Variants in TMEM108 observed in about 807,000 individuals in gnomAD.
TMEM108 encodes the protein cancer/testis antigen 124.
In TMEM108, 12 loss-of-function variants were observed where a neutral mutation model predicts 35.1. That is an observed-to-expected ratio of 0.34 (90% confidence interval 0.22 to 0.55). TMEM108 has a LOEUF of 0.55. TMEM108 is among the 20% of genes least tolerant of loss of function. The pLI, the probability that TMEM108 is intolerant of heterozygous loss-of-function variation, is 0.89. For missense variants in TMEM108, 680 were observed against 753.3 expected, an observed-to-expected ratio of 0.90 and a Z score of 1.14; for synonymous variants, 287 against 308.6, an observed-to-expected ratio of 0.93 and a Z score of 0.73.
At chr3:133,172,862 GT>G (rs1251925303) in intron 2 of TMEM108, among the ~76,000 whole-genome samples, 3 of 152,160 alleles carry the variant, frequency 2.0e-5, no homozygotes, top group Non-Finnish European at 4.4e-5. Context: ...TGCTGTTCTT[GT>G]GATAGTAAAT....
chr3:133,330,606 T>C (rs188305645), intron 3 of TMEM108, among the ~76,000 whole-genome samples: 105 of 152,292 alleles, frequency 6.9e-4, no homozygotes, highest in African/African-American at 2.5e-3. Flanking sequence ...TTGGTGGTGG[T>C]GGTAATAGTG....
Position 133,380,047 on chromosome 3 carries a change from C to T in TMEM108, c.336C>T (p.Ser112=). The change falls in exon 4 of 6, where the codon TCC becomes TCT. Residue 112 remains serine, a synonymous_variant. Coordinates refer to ENST00000321871, the MANE Select transcript of TMEM108 (RefSeq NM_023943.4). This position sits in a 1 kb window ranked among gnomAD's most constrained non-coding sequence, Gnocchi z 5.3. ...ATVTAPHSES[S]LSTGPAPAAM... ...TAACCGCCCCCCATTCTGAAAGCTC[C>T]CTGTCCACAGGGCCCGCTCCAGCAG... 1.2e-6 allele frequency: 2 copies of T among 1,613,968 alleles called. No individual in the cohort carries two copies. The highest frequency in any genetic ancestry group is 1.7e-6 in the Non-Finnish European group (2 of 1,179,970).
intron 2 of TMEM108, among the ~76,000 whole-genome samples, chr3:133,131,755 C>T (rs73007483): frequency 0.016 from 2,366 of 151,722 alleles, 53 homozygotes; most frequent in African/African-American, 0.054. Context: ...CTTGCATCAG[C>T]GAGACAAGTT....
At chr3:133,207,007 G>A (rs1237179554) in intron 2 of TMEM108, among the ~76,000 whole-genome samples, 1 of 152,194 alleles carries the variant, frequency 6.6e-6, no homozygotes, top group East Asian at 1.9e-4. Flanking sequence ...TGCCTAGAGA[G>A]GAGGAATCTA....
chr3:133,239,178 CA>C lies in TMEM108; in HGVS notation c.40+9830del, dbSNP rs554332350. On this transcript the variant is annotated intron_variant, in intron 3 of 5. Transcript: ENST00000321871. ...TACAAATTCATCATTCCTGAGCTAT[CA>C]AAGACTCATTGCTCTTGAGGAAATA... 2.6e-5 allele frequency among the ~76,000 whole-genome samples: 4 copies of C among 152,266 alleles called. No individual in the cohort carries two copies. In the South Asian group the frequency reaches 8.3e-4, roughly 32 times the overall value.
chr3:133,315,475 C>A (rs921432913), intron 3 of TMEM108, among the ~76,000 whole-genome samples: 11 of 152,176 alleles, frequency 7.2e-5, no homozygotes, highest in Admixed American at 2.0e-4. Context: ...AAATGCTTGG[C>A]CCCTCACCCC....
At chr3:133,123,997 AG>A (rs1369263633) in intron 2 of TMEM108, among the ~76,000 whole-genome samples, 2 of 152,202 alleles carry the variant, frequency 1.3e-5, no homozygotes, top group East Asian at 3.8e-4. Context: ...CTGTTCTGAA[AG>A]GGCACCAGGC....
chr3:133,224,240 G>A (rs1461201296), intron 2 of TMEM108, among the ~76,000 whole-genome samples: 1 of 152,056 alleles, frequency 6.6e-6, no homozygotes, highest in Non-Finnish European at 1.5e-5. Context: ...AACCATTGCT[G>A]TGGCTCCTAA....
At chr3:133,250,033 TC>T (rs1946445670) in intron 3 of TMEM108, among the ~76,000 whole-genome samples, 2 of 152,186 alleles carry the variant, frequency 1.3e-5, no homozygotes. Context: ...CAACTTGGCC[TC>T]CAGAGTAGTT....
At chr3:133,143,821 C>G (rs1402468926) in intron 2 of TMEM108, among the ~76,000 whole-genome samples, 1 of 152,114 alleles carries the variant, frequency 6.6e-6, no homozygotes. Flanking sequence ...AGCACATGCC[C>G]TTCTCTGCCT....
intron 2 of TMEM108, among the ~76,000 whole-genome samples, chr3:133,069,562 CT>C (rs1461781924): frequency 2.0e-5 from 3 of 152,092 alleles, no homozygotes; most frequent in Non-Finnish European, 4.4e-5. Flanking sequence ...AGTACAAGTC[CT>C]TTTATTTAAA....
At position 133,309,198 on chromosome 3, in the gene TMEM108, G is replaced by A. The variant is rs1456359046; in HGVS notation, c.41-70554G>A. ...TGGTAGTTTGTATTTCTGTGGGATCGGTGGTGATATCCCCTTTGTCATTTT... is the reference window on the plus strand; with the variant it reads ...TGGTAGTTTGTATTTCTGTGGGATCAGTGGTGATATCCCCTTTGTCATTTT... On this transcript the variant is annotated intron_variant, in intron 3 of 5. Transcript: ENST00000321871. Among the ~76,000 whole-genome samples the A allele has an allele frequency of 1.6e-4, 24 of 152,134 alleles. No individual in the cohort carries two copies. The East Asian group carries it at 3.7e-3, about 23-fold the overall frequency.
intron 3 of TMEM108, among the ~76,000 whole-genome samples, chr3:133,292,912 G>A (rs2107696912): frequency 6.6e-6 from 1 of 152,186 alleles, no homozygotes; most frequent in African/African-American, 2.4e-5. Flanking sequence ...CATTCTCTAG[G>A]TCATAGTTTC....
At chr3:133,141,975 T>C (rs1240545664) in intron 2 of TMEM108, among the ~76,000 whole-genome samples, 11 of 152,182 alleles carry the variant, frequency 7.2e-5, no homozygotes, top group Admixed American at 7.2e-4. Flanking sequence ...TTCTTTGTTA[T>C]GGGGAGAAGA....
chr3:133,053,980 C>T (rs955990032), intron 2 of TMEM108, among the ~76,000 whole-genome samples: 1 of 152,112 alleles, frequency 6.6e-6, no homozygotes, highest in Non-Finnish European at 1.5e-5. Flanking sequence ...GCTGCTGATG[C>T]TCTCTCCTGG....
At chr3:133,312,766 C>A (rs1254437338) in intron 3 of TMEM108, among the ~76,000 whole-genome samples, 1 of 152,198 alleles carries the variant, frequency 6.6e-6, no homozygotes, top group Non-Finnish European at 1.5e-5. Flanking sequence ...TGAGATGAAC[C>A]AGGTGCCTCA....
intron 2 of TMEM108, among the ~76,000 whole-genome samples, chr3:133,145,730 G>C (rs1028112768): frequency 2.0e-5 from 3 of 152,284 alleles, no homozygotes; most frequent in Admixed American, 6.5e-5. Flanking sequence ...TGTAGCAATT[G>C]TGAATAAGAG....
chr3:133,057,469 A>C (rs1351787068), intron 2 of TMEM108, among the ~76,000 whole-genome samples: 581 of 40,582 alleles, frequency 0.014, 18 homozygotes, highest in African/African-American at 0.035. Context: ...ATATATATAT[A>C]TATATATATA....
intron 3 of TMEM108, among the ~76,000 whole-genome samples, chr3:133,260,599 A>C (rs1208922318): frequency 2.0e-5 from 3 of 152,224 alleles, no homozygotes; most frequent in Non-Finnish European, 4.4e-5. Flanking sequence ...TGAGGTATGC[A>C]TGCAGTTGGG....
Sources: allele counts gnomAD v4.1 joint callset (sites outside exome capture counted in the v4.1 genomes callset), GRCh38; gene constraint gnomAD v4.1.1; non-coding constraint Gnocchi (gnomAD v3.1); transcripts MANE v1.5; gene names NCBI Gene and HGNC (gene_info 2026-07-23, HGNC 2026-07-21).